Variants in METTL25B observed in about 807,000 individuals in gnomAD.
METTL25B encodes the protein methyltransferase like 25B.
Under a neutral mutation model 48.4 loss-of-function variants are expected in METTL25B, and 38 were observed. The ratio of observed to expected loss-of-function variants is 0.78; its 90% confidence interval spans 0.61 to 1.03. METTL25B has a LOEUF of 1.03. Among genes scored for constraint, METTL25B ranks in the 50% least tolerant of loss-of-function variants. The probability of loss-of-function intolerance (pLI) is 0.00; values close to 1 mark genes in which losing one functional copy is unlikely to be tolerated. For missense variants in METTL25B, 537 were observed against 603.7 expected (o/e 0.89, Z 1.16); for synonymous variants, 230 against 254.5 (o/e 0.90, Z 0.92).
At position 156,729,094 on chromosome 1, in the gene METTL25B, T is replaced by C; in HGVS notation, c.-11T>C. On this transcript the variant is annotated 5_prime_UTR_variant, in exon 1 of 8. Transcript: ENST00000368216. ...CGTTCTCGCTCCCCGCGCTCCCTGC[T>C]GGACCCCGGGATGCCGGGCATCTCC... 2.6e-6 allele frequency: 4 copies of C among 1,566,554 alleles called. No homozygotes were observed. Among genetic ancestry groups the C allele is most frequent in the Non-Finnish European group, 3.5e-6 (4 of 1,144,004 alleles).
intron 5 of METTL25B, among the ~76,000 whole-genome samples, 195 bp from the exon 6 acceptor site, chr1:156,733,814 T>C (rs1282573524): frequency 2.0e-5 from 3 of 152,192 alleles, no homozygotes; most frequent in Admixed American, 6.5e-5. Context: ...GATGAAAAGA[T>C]GTACATGGTG....
chr1:156,735,646 A>G, intron 6 of METTL25B, 79 bp from the exon 7 acceptor site: 3 of 1,277,460 alleles, frequency 2.3e-6, no homozygotes, highest in East Asian at 5.2e-5. Context: ...TTGGAACTGA[A>G]TTAGGAACAA....
chr1:156,733,472 C>CCAGGA lies in METTL25B; in HGVS notation c.589_593dup (p.Glu198AspfsTer34). The CCAGGA allele has an allele frequency of 6.2e-7, 1 of 1,614,090 alleles. No individual in the cohort carries two copies. Among genetic ancestry groups the CCAGGA allele is most frequent in the Non-Finnish European group, 8.5e-7 (1 of 1,180,008 alleles). ...TGGTGGAGAGAGCCCAGCGCCTGGACCAGGAGCTTCTGCAGGCTCTGGAGA... is the reference window on the plus strand; with the variant it reads ...TGGTGGAGAGAGCCCAGCGCCTGGACCAGGACAGGAGCTTCTGCAGGCTCTGGAGA... On this transcript the variant is annotated frameshift_variant, in exon 5 of 8. Coordinates refer to ENST00000368216, the MANE Select transcript of METTL25B (RefSeq NM_015997.4). LOFTEE classifies it high-confidence loss of function.
chr1:156,732,111 G>T lies in METTL25B; in HGVS notation c.232G>T (p.Val78Phe), dbSNP rs770542884. The change falls in exon 2 of 8, where the codon GTC (valine) becomes TTC (phenylalanine). Residue 78 changes from valine (V) to phenylalanine (F), a missense_variant. By Grantham distance (50) the Val-to-Phe change is conservative. Transcript: ENST00000368216. Reference protein sequence around the residue: ...LLGMPGEGEVVRYRSVWPLTL... With the variant: ...LLGMPGEGEVFRYRSVWPLTL... The stretch of plus-strand genomic sequence containing the variant: ...GGGGATGCCTGGGGAAGGGGAGGTC[G>T]TCAGGTATGGGCTAGAAGGTCCCTG... The T allele has an allele frequency of 1.2e-6, 2 of 1,614,070 alleles. No homozygotes were observed. Among genetic ancestry groups the T allele is most frequent in the Admixed American group, 3.3e-5 (2 of 60,004 alleles).
In METTL25B at chr1:156,733,464, C is replaced by T. The variant is rs769888351; in HGVS notation, c.580C>T (p.Arg194Cys). The T allele has an allele frequency of 3.7e-6, 6 of 1,613,984 alleles. No individual in the cohort carries two copies. Among genetic ancestry groups the T allele is most frequent in the Admixed American group, 1.7e-5 (1 of 59,994 alleles). The change falls in exon 5 of 8, where the codon CGC becomes TGC. Residue 194 changes from arginine to cysteine, a missense_variant. Coordinates refer to ENST00000368216, the MANE Select transcript of METTL25B (RefSeq NM_015997.4). ...TCAGAGACTGGTGGAGAGAGCCCAG[C>T]GCCTGGACCAGGAGCTTCTGCAGGC... ...GDQRLVERAQ[R>C]LDQELLQALE...
intron 1 of METTL25B, chr1:156,729,538 T>C (rs2102638534): frequency 4.9e-6 from 1 of 205,376 alleles, no homozygotes; most frequent in East Asian, 1.5e-4. Context: ...ACCTAGATTG[T>C]TTTTGTAATC....
rs1209687423 is a variant in METTL25B, at chr1:156,735,773, A to T, written c.1170A>T (p.Pro390=). 4 of 1,612,064 alleles carry T rather than the reference A, an allele frequency of 2.5e-6. No individual in the cohort carries two copies. The highest frequency in any genetic ancestry group is 3.4e-6 in the Non-Finnish European group (4 of 1,179,600). The change falls in exon 7 of 8, where the codon CCA becomes CCT. Residue 390 remains proline (P), a synonymous_variant. Transcript: ENST00000368216. ...LQRVGLDPQL[P]LNLAALQAHV... ...GAGTGGGGCTAGATCCCCAGCTGCC[A>T]CTGAATCTGGCTGCCCTTCAGGCCC...
rs1649465993 is a variant in METTL25B at position 156,733,498 on chromosome 1, AAG to A, written c.617_618del (p.Glu206GlyfsTer21). 6.2e-7 allele frequency: 1 copy of A among 1,614,004 alleles called. No individual in the cohort carries two copies. The highest frequency in any genetic ancestry group is 1.3e-5 in the African/African-American group (1 of 75,038). On this transcript the variant is annotated frameshift_variant, in exon 5 of 8. Transcript: ENST00000368216. LOFTEE classifies it high-confidence loss of function. ...CAGGAGCTTCTGCAGGCTCTGGAGA[AAG>A]AGGAGAAGAGGAACCCGCAGGTAGG...
chr1:156,729,247 C>A, intron 1 of METTL25B, 32 bp downstream of exon 1: 1 of 1,405,666 alleles, frequency 7.1e-7, no homozygotes. Context: ...TGGGATGTCT[C>A]TGGTCGTGTG....
chr1:156,731,721 C>G (rs1199577575), intron 1 of METTL25B, among the ~76,000 whole-genome samples: 1 of 152,206 alleles, frequency 6.6e-6, no homozygotes, highest in East Asian at 1.9e-4. Context: ...AAAACAGACA[C>G]AAATAAGTGC....
chr1:156,728,865 T>C lies in METTL25B; in HGVS notation c.-240T>C, dbSNP rs575387816. On this transcript the variant is annotated 5_prime_UTR_variant, in exon 1 of 8. Coordinates refer to ENST00000368216, the MANE Select transcript of METTL25B (RefSeq NM_015997.4). ...CACTGCACTGTTACCCCGCCCTACGTGTCTCTGACGCTGACACCTTCTCAC... is the reference window on the plus strand; with the variant it reads ...CACTGCACTGTTACCCCGCCCTACGCGTCTCTGACGCTGACACCTTCTCAC... 7.5e-6 allele frequency: 5 copies of C among 666,868 alleles called. No homozygotes were observed. The South Asian group carries it at 1.3e-4, about 18-fold the overall frequency. 41.3% of individuals were successfully genotyped at this position (666,868 alleles called of 1,614,324 possible).
intron 1 of METTL25B, 124 bp from the exon 2 acceptor site, chr1:156,731,867 G>T (rs1041519392): frequency 1.6e-6 from 2 of 1,264,250 alleles, no homozygotes; most frequent in African/African-American, 2.9e-5. Context: ...GCCAGTTACA[G>T]GCAGTGGCCC....
intron 1 of METTL25B, among the ~76,000 whole-genome samples, chr1:156,731,605 G>A (rs1649293600): frequency 6.6e-6 from 1 of 152,228 alleles, no homozygotes; most frequent in Non-Finnish European, 1.5e-5. Context: ...AGGTTACTAA[G>A]TGGTAATGTA....
chr1:156,734,891 T>C (rs1000639299), intron 6 of METTL25B, among the ~76,000 whole-genome samples: 1 of 150,888 alleles, frequency 6.6e-6, no homozygotes, highest in African/African-American at 2.4e-5. Context: ...CTAAAGAAAA[T>C]CTAAGTATAC....
rs572028992 is a variant in METTL25B at position 156,733,360 on chromosome 1, C to G, written c.493-17C>G. ...GGGCACTGAACAGGGCTGTTTCCAT[C>G]CTCCTCGTGACTCCAGGGCCATCTC... On this transcript the variant is annotated splice_polypyrimidine_tract_variant and intron_variant, in intron 4 of 7. Transcript: ENST00000368216. 6 of 1,613,744 alleles carry G rather than the reference C, an allele frequency of 3.7e-6. No individual in the cohort carries two copies. The highest frequency in any genetic ancestry group is 5.1e-6 in the Non-Finnish European group (6 of 1,179,846).
At chr1:156,733,981 C>T (rs1649503752) in intron 5 of METTL25B, 28 bp from the exon 6 acceptor site, 1 of 1,563,426 alleles carries the variant, frequency 6.4e-7, no homozygotes, top group Non-Finnish European at 8.7e-7. Context: ...GACTTCCCAT[C>T]TGCCTTTGTC....
Position 156,734,258 on chromosome 1 carries a change from T to C in METTL25B, c.886T>C (p.Tyr296His), listed in dbSNP as rs1649534798. ...CATGAAGCTGAGTGACCCTGGCGGC[T>C]ACCCACTGAGTCAGTGGGTGGCTGG... ...CYMKLSDPGG[Y>H]PLSQWVAGLP... The change falls in exon 6 of 8, where the codon TAC becomes CAC. Residue 296 changes from tyrosine (Y) to histidine (H), a missense_variant. Tyr to His is a moderately conservative substitution (Grantham distance 83). Transcript: ENST00000368216. 6.2e-7 allele frequency: 1 copy of C among 1,614,198 alleles called. No individual in the cohort carries two copies. The highest frequency in any genetic ancestry group is 8.5e-7 in the Non-Finnish European group (1 of 1,180,022).
chr1:156,733,841 C>CT (rs1649490142), intron 5 of METTL25B, among the ~76,000 whole-genome samples, 168 bp from the exon 6 acceptor site: 1 of 152,234 alleles, frequency 6.6e-6, no homozygotes, highest in Admixed American at 6.5e-5. Context: ...AGGTCCAGGA[C>CT]TTTTCCCCCT....
At chr1:156,734,811 G>A (rs777261040) in intron 6 of METTL25B, among the ~76,000 whole-genome samples, 5 of 144,674 alleles carry the variant, frequency 3.5e-5, no homozygotes, top group African/African-American at 5.0e-5. Flanking sequence ...GATTACAGGC[G>A]TGAGCCACCG....
Sources: gnomAD v4.1 joint callset for allele counts (sites outside exome capture counted in the v4.1 genomes callset) on GRCh38, gnomAD v4.1.1 for gene constraint, MANE v1.5 for transcripts, NCBI Gene and HGNC (gene_info 2026-07-23, HGNC 2026-07-21) for gene names.